The following ADAMTSL1 variants were observed in gnomAD, a reference collection of about 807,000 sequenced individuals.
ADAMTSL1 encodes ADAMTS like 1, also known as ADAMTS-like protein 1.
In ADAMTSL1, 126 loss-of-function variants were observed where a neutral mutation model predicts 201.8. That is an observed-to-expected ratio of 0.62 (90% CI 0.54 to 0.72). The LOEUF (loss-of-function observed/expected upper bound fraction) is 0.72. Among genes scored for constraint, ADAMTSL1 ranks in the 30% least tolerant of loss-of-function variants. The pLI, the probability that ADAMTSL1 is intolerant of heterozygous loss-of-function variation, is 0.00. For synonymous variants in ADAMTSL1, 1,121 were observed against 903.4 expected, an observed-to-expected ratio of 1.24 and a Z score of -4.32; for missense variants, 2,679 against 2,277.8, an observed-to-expected ratio of 1.18 and a Z score of -3.59.
intron 2 of ADAMTSL1, among the ~76,000 whole-genome samples, chr9:18,367,660 CTT>C (rs1437403573): frequency 6.6e-6 from 1 of 152,014 alleles, no homozygotes; most frequent in Non-Finnish European, 1.5e-5. Flanking sequence ...CTCAAAATAA[CTT>C]TATGAGCTAC....
intron 2 of ADAMTSL1, among the ~76,000 whole-genome samples, chr9:18,462,183 A>G (rs1408621952): frequency 6.6e-6 from 1 of 152,236 alleles, no homozygotes; most frequent in East Asian, 1.9e-4. Context: ...TCTACATTTT[A>G]TATATATGTG....
intron 1 of ADAMTSL1, among the ~76,000 whole-genome samples, chr9:18,054,752 T>G (rs545483962): frequency 6.6e-6 from 1 of 152,372 alleles, no homozygotes; most frequent in East Asian, 1.9e-4. Flanking sequence ...AACCCTTTTA[T>G]CAAGGCTGTC....
intron 2 of ADAMTSL1, among the ~76,000 whole-genome samples, chr9:18,376,927 C>CAT (rs10675559): frequency 0.093 from 14,205 of 152,146 alleles, 1,790 homozygotes; most frequent in African/African-American, 0.29. Context: ...AAATAAAATA[C>CAT]GTTTTTATTT....
chr9:18,389,761 T>C (rs977727107), intron 2 of ADAMTSL1, among the ~76,000 whole-genome samples: 1 of 152,192 alleles, frequency 6.6e-6, no homozygotes, highest in African/African-American at 2.4e-5. Flanking sequence ...CATCATATTA[T>C]TGTTGGAATA....
At chr9:18,546,948 C>T (rs1448043490) in intron 3 of ADAMTSL1, among the ~76,000 whole-genome samples, 3 of 152,120 alleles carry the variant, frequency 2.0e-5, no homozygotes, top group Non-Finnish European at 4.4e-5. Flanking sequence ...TTTATGATAT[C>T]TCATAAGGTC....
chr9:18,344,791 C>A (rs1835626910), intron 2 of ADAMTSL1, among the ~76,000 whole-genome samples: 1 of 152,042 alleles, frequency 6.6e-6, no homozygotes, highest in Non-Finnish European at 1.5e-5. Context: ...GCAACAGGCG[C>A]CAAGTCTAAA....
At chr9:18,118,392 A>T (rs1380073834) in intron 1 of ADAMTSL1, among the ~76,000 whole-genome samples, 1 of 152,172 alleles carries the variant, frequency 6.6e-6, no homozygotes, top group Non-Finnish European at 1.5e-5. Flanking sequence ...GTATCCAAGG[A>T]CACAGGTCCA....
chr9:18,136,059 C>G (rs1401847737), intron 1 of ADAMTSL1, among the ~76,000 whole-genome samples: 1 of 152,172 alleles, frequency 6.6e-6, no homozygotes, highest in African/African-American at 2.4e-5. Context: ...TACTCTGTAA[C>G]CCATGCCTCG....
intron 1 of ADAMTSL1, among the ~76,000 whole-genome samples, chr9:18,106,151 G>A (rs1252643179): frequency 1.3e-5 from 2 of 152,178 alleles, no homozygotes; most frequent in Non-Finnish European, 2.9e-5. Context: ...AGGGAAAGGG[G>A]AGTCACACTG....
intron 14 of ADAMTSL1, among the ~76,000 whole-genome samples, chr9:18,710,155 G>A (rs539579961): frequency 6.6e-5 from 10 of 152,220 alleles, no homozygotes; most frequent in African/African-American, 2.4e-4. Context: ...TTCCAGGGCG[G>A]CTCTGTCACT....
chr9:18,041,413 T>G (rs372188801), intron 1 of ADAMTSL1, among the ~76,000 whole-genome samples: 1 of 152,304 alleles, frequency 6.6e-6, no homozygotes. Flanking sequence ...CAAATTCCAG[T>G]AATGCTTTAT....
chr9:18,281,715 G>T (rs1832797636), intron 2 of ADAMTSL1, among the ~76,000 whole-genome samples: 1 of 152,138 alleles, frequency 6.6e-6, no homozygotes, highest in African/African-American at 2.4e-5. Context: ...TTGTGTCCAT[G>T]TTCAATTGAG....
chr9:18,003,893 A>C (rs1004567125), intron 1 of ADAMTSL1, among the ~76,000 whole-genome samples: 2 of 152,060 alleles, frequency 1.3e-5, no homozygotes, highest in Non-Finnish European at 2.9e-5. Context: ...ATTTAAGTAC[A>C]CTTAGGTTTT....
At chr9:18,388,203 A>G (rs930444096) in intron 2 of ADAMTSL1, among the ~76,000 whole-genome samples, 1 of 151,664 alleles carries the variant, frequency 6.6e-6, no homozygotes, top group Non-Finnish European at 1.5e-5. Context: ...TTTCTATTTC[A>G]TAAGTAAATT....
intron 2 of ADAMTSL1, among the ~76,000 whole-genome samples, chr9:18,305,427 C>T (rs984156434): frequency 6.6e-6 from 1 of 152,310 alleles, no homozygotes; most frequent in African/African-American, 2.4e-5. Context: ...ATCCGACCCC[C>T]ACAGAGCCCA....
At chr9:18,302,761 G>C (rs894809427) in intron 2 of ADAMTSL1, among the ~76,000 whole-genome samples, 2 of 152,272 alleles carry the variant, frequency 1.3e-5, no homozygotes, top group African/African-American at 4.8e-5. Flanking sequence ...TTAAGCATAA[G>C]GATCTTTTAA....
At chr9:18,183,999 T>G (rs1040933682) in intron 2 of ADAMTSL1, among the ~76,000 whole-genome samples, 24 of 152,200 alleles carry the variant, frequency 1.6e-4, no homozygotes, top group Non-Finnish European at 2.4e-4. Flanking sequence ...GGTCATAGAA[T>G]AAACTCACCC....
intron 2 of ADAMTSL1, among the ~76,000 whole-genome samples, chr9:18,296,383 G>A (rs1345759991): frequency 6.6e-6 from 1 of 152,056 alleles, no homozygotes; most frequent in East Asian, 1.9e-4. Context: ...TATTATATTA[G>A]GGAATTATTT....
intron 1 of ADAMTSL1, among the ~76,000 whole-genome samples, chr9:18,124,037 AT>A (rs1825618899): frequency 7.2e-6 from 1 of 139,778 alleles, no homozygotes; most frequent in African/African-American, 2.6e-5. Context: ...TTTCCTAATG[AT>A]TAATGATGTT....
Sources: gnomAD v4.1 joint callset for allele counts (sites outside exome capture counted in the v4.1 genomes callset) on GRCh38, gnomAD v4.1.1 for gene constraint, MANE v1.5 for transcripts, NCBI Gene and HGNC (gene_info 2026-07-23, HGNC 2026-07-21) for gene names.